TRMT9B: variants seen among roughly 807,000 people sequenced by gnomAD.
The protein encoded by TRMT9B is probable tRNA methyltransferase 9B.
A neutral mutation model predicts 11.5 loss-of-function variants in TRMT9B; 16 were observed. The ratio of observed to expected loss-of-function variants is 1.39; its 90% CI spans 0.94 to 2.11. The LOEUF (loss-of-function observed/expected upper bound fraction) is 2.11. Among genes scored for constraint, TRMT9B ranks in the 30% most tolerant of loss-of-function variants. TRMT9B has a pLI of 0.00. For synonymous variants in TRMT9B, 274 were observed against 192.4 expected (o/e 1.42, Z -3.51); for missense variants, 941 against 553.8 (o/e 1.70, Z -7.02).
At chr8:12,974,243 C>A (rs1804074209) in intron 1 of TRMT9B, among the ~76,000 whole-genome samples, 1 of 152,028 alleles carries the variant, frequency 6.6e-6, no homozygotes, top group Non-Finnish European at 1.5e-5. Context: ...ACCACCGTGA[C>A]CCTGTCCCAT....
At chr8:12,983,162 G>A (rs774105163) in intron 1 of TRMT9B, among the ~76,000 whole-genome samples, 9 of 152,186 alleles carry the variant, frequency 5.9e-5, no homozygotes, top group East Asian at 3.8e-4. Flanking sequence ...AAGCATTTAT[G>A]TAGTAGTGAT....
intron 1 of TRMT9B, chr8:12,970,129 A>G (rs1803389695): frequency 1.3e-5 from 2 of 152,212 alleles, no homozygotes; most frequent in Admixed American, 1.3e-4. Context: ...GATAACACCA[A>G]TACCACCTGG....
chr8:13,009,332 C>G, intron 3 of TRMT9B, among the ~76,000 whole-genome samples: 1 of 148,088 alleles, frequency 6.8e-6, no homozygotes, highest in East Asian at 2.0e-4. Flanking sequence ...GAATTAAATT[C>G]AAAGGAAAAA....
chr8:12,956,354 G>T (rs1801309385), intron 1 of TRMT9B, among the ~76,000 whole-genome samples: 1 of 152,174 alleles, frequency 6.6e-6, no homozygotes, highest in South Asian at 2.1e-4. Context: ...TTTTAAAGGA[G>T]CTAGTTGCTA....
In TRMT9B at chr8:12,973,850, C is replaced by T. The variant is rs77946747; in HGVS notation, c.-199-16984C>T. On this transcript the variant is annotated intron_variant, in intron 1 of 4. Transcript: ENST00000524591. ...CCCAGAGATCACTGAACTCAGTTCA[C>T]GCCAGTGCCAGTCGAAAAGAACATT... Among the ~76,000 whole-genome samples, 412 of 152,230 alleles carry T rather than the reference C, an allele frequency of 2.7e-3. 2 individuals carry two copies. The highest frequency in any genetic ancestry group is 0.017 in the East Asian group (88 of 5,170).
chr8:13,010,712 C>G, intron 3 of TRMT9B: 3 of 984,778 alleles, frequency 3.0e-6, no homozygotes, highest in South Asian at 4.7e-5. Flanking sequence ...GTAACTTTCC[C>G]TTTCATTTCT....
At chr8:13,018,409 AC>A (rs1317258872) in intron 4 of TRMT9B, among the ~76,000 whole-genome samples, 61 of 145,658 alleles carry the variant, frequency 4.2e-4, no homozygotes, top group African/African-American at 1.5e-3. Flanking sequence ...AAAAAAAAAA[AC>A]GACAACAAAG....
intron 2 of TRMT9B, among the ~76,000 whole-genome samples, chr8:12,999,046 A>T (rs533577251): frequency 1.3e-5 from 2 of 152,248 alleles, no homozygotes; most frequent in African/African-American, 4.8e-5. Context: ...CACGCCTGTA[A>T]TCCTAGCACT....
intron 1 of TRMT9B, among the ~76,000 whole-genome samples, chr8:12,950,083 G>C (rs185749590): frequency 2.1e-4 from 32 of 151,940 alleles, no homozygotes; most frequent in African/African-American, 7.5e-4. Flanking sequence ...CAAACTCCTG[G>C]CCTCAAGCGA....
Position 13,022,126 on chromosome 8 carries a change from C to A in TRMT9B, c.*82C>A. 2 of 1,001,316 alleles carry A rather than the reference C, an allele frequency of 2.0e-6. No individual in the cohort carries two copies. Among genetic ancestry groups the A allele is most frequent in the Non-Finnish European group, 2.9e-6 (2 of 686,040 alleles). The allele number at this position is 1,001,316 out of a possible 1,614,324, so 62.0% of individuals were successfully genotyped here. On this transcript the variant is annotated 3_prime_UTR_variant, in exon 5 of 5. Coordinates refer to ENST00000524591, the MANE Select transcript of TRMT9B (RefSeq NM_020844.3). ...TGATATGGTTACCTGAATTTGCATT[C>A]AGTGTTATTTGTTAATCCATTTACG...
chr8:13,028,024 G>C lies in TRMT9B; in HGVS notation c.*5980G>C, dbSNP rs1814900647. ...ATTGTATTGCAAATGAAAGAGCTCAGCATGAGAGCACAATCAGAAACTGAA... is the reference window on the plus strand; with the variant it reads ...ATTGTATTGCAAATGAAAGAGCTCACCATGAGAGCACAATCAGAAACTGAA... On this transcript the variant is annotated 3_prime_UTR_variant, in exon 5 of 5. Coordinates refer to ENST00000524591, the MANE Select transcript of TRMT9B (RefSeq NM_020844.3). 1 of 166,930 alleles carries C rather than the reference G, an allele frequency of 6.0e-6. No homozygotes were observed. The highest frequency in any genetic ancestry group is 1.5e-5 in the Non-Finnish European group (1 of 68,108). The allele number at this position is 166,930 out of a possible 1,614,324, so 10.3% of individuals were successfully genotyped here. A position where few individuals can be genotyped will look rare whatever the true frequency, so the allele number is the denominator to read the frequency against.
At chr8:12,974,892 A>G (rs1034394106) in intron 1 of TRMT9B, among the ~76,000 whole-genome samples, 4 of 151,650 alleles carry the variant, frequency 2.6e-5, no homozygotes, top group Non-Finnish European at 5.9e-5. Context: ...TCATAAAGCT[A>G]AAGTTTTCAG....
intron 1 of TRMT9B, among the ~76,000 whole-genome samples, chr8:12,983,925 T>A (rs1002080626): frequency 6.6e-6 from 1 of 152,192 alleles, no homozygotes; most frequent in Non-Finnish European, 1.5e-5. Context: ...TTTAAAAAAC[T>A]GTATTAATGA....
intron 1 of TRMT9B, among the ~76,000 whole-genome samples, chr8:12,969,425 C>T (rs1803272134): frequency 6.6e-6 from 1 of 152,064 alleles, no homozygotes; most frequent in South Asian, 2.1e-4. Context: ...TTCCAGGACC[C>T]ACTCTACCCC....
At chr8:13,006,419 C>A (rs1810485572) in intron 3 of TRMT9B, 63 bp downstream of exon 3, 2 of 1,522,274 alleles carry the variant, frequency 1.3e-6, no homozygotes, top group Non-Finnish European at 8.8e-7. Flanking sequence ...ACATAGGTAA[C>A]CAGGCAGCCT....
At chr8:12,998,767 T>G (rs189559445) in intron 2 of TRMT9B, among the ~76,000 whole-genome samples, 94 of 152,344 alleles carry the variant, frequency 6.2e-4, no homozygotes, top group Non-Finnish European at 1.1e-3. Context: ...AAAAACCTTT[T>G]CCCTGGAAGC....
intron 1 of TRMT9B, chr8:12,970,225 G>A (rs1221834873): frequency 1.3e-5 from 2 of 152,238 alleles, no homozygotes; most frequent in Non-Finnish European, 2.9e-5. Context: ...TTAGCTTGTA[G>A]ACATCTGTTG....
chr8:13,013,072 C>T (rs1030631505), intron 4 of TRMT9B, among the ~76,000 whole-genome samples: 9 of 152,166 alleles, frequency 5.9e-5, no homozygotes, highest in Admixed American at 1.3e-4. Flanking sequence ...AAACCTTCAA[C>T]TTGGTATTGC....
At chr8:12,956,111 A>G (rs1208619627) in intron 1 of TRMT9B, among the ~76,000 whole-genome samples, 1 of 152,182 alleles carries the variant, frequency 6.6e-6, no homozygotes, top group Non-Finnish European at 1.5e-5. Context: ...CTGCAAGAAC[A>G]CTGTGCCCAG....
Sources: gnomAD v4.1 joint callset for allele counts (sites outside exome capture counted in the v4.1 genomes callset) on GRCh38, gnomAD v4.1.1 for gene constraint, MANE v1.5 for transcripts, NCBI Gene and HGNC (gene_info 2026-07-23, HGNC 2026-07-21) for gene names.